The following NCOA3 variants were observed in gnomAD, a reference collection of about 807,000 sequenced individuals.
NCOA3 encodes CBP-interacting protein.
A neutral mutation model predicts 158.8 loss-of-function variants in NCOA3; 51 were observed. That is an observed-to-expected ratio of 0.32 (90% CI 0.26 to 0.41). NCOA3 has a LOEUF of 0.41. Ranked by LOEUF, NCOA3 falls within the 10% of genes least tolerant of loss-of-function variation. The pLI is 1.00. For synonymous variants in NCOA3, 537 were observed against 592.4 expected (o/e 0.91, Z 1.36); for missense variants, 1,510 against 1,746.6 (o/e 0.86, Z 2.41).
chr20:47,654,070 G>A lies in NCOA3; in HGVS notation c.*653G>A, dbSNP rs2086837781. The A allele has an allele frequency of 6.6e-6, 1 of 152,662 alleles. No individual in the cohort carries two copies. Among genetic ancestry groups the A allele is most frequent in the African/African-American group, 2.4e-5 (1 of 41,456 alleles). 9.5% of individuals were successfully genotyped at this position (152,662 alleles called of 1,614,324 possible). A position where few individuals can be genotyped will look rare whatever the true frequency, so the allele number is the denominator to read the frequency against. ...CCAAATGGCTTTGCAGAAAGGAAAT[G>A]AGATGACAGTATTTAATCGCAGCAG... On this transcript the variant is annotated 3_prime_UTR_variant, in exon 23 of 23. Coordinates refer to ENST00000371998, the MANE Select transcript of NCOA3 (RefSeq NM_181659.3).
intron 2 of NCOA3, among the ~76,000 whole-genome samples, chr20:47,600,439 G>C (rs1453279203): frequency 6.6e-6 from 1 of 151,906 alleles, no homozygotes; most frequent in Non-Finnish European, 1.5e-5. Flanking sequence ...GCCTCCCAAA[G>C]TGGTGGGATT....
At chr20:47,604,298 G>A (rs2085909350) in intron 2 of NCOA3, among the ~76,000 whole-genome samples, 1 of 152,186 alleles carries the variant, frequency 6.6e-6, no homozygotes, top group Non-Finnish European at 1.5e-5. Context: ...TGTAAATTTG[G>A]TAAGGTCATG....
chr20:47,515,962 A>C (rs1263117674), intron 1 of NCOA3, among the ~76,000 whole-genome samples: 3 of 152,216 alleles, frequency 2.0e-5, no homozygotes, highest in African/African-American at 7.2e-5. Flanking sequence ...GTGTGATTCT[A>C]ACTATGTGAC....
chr20:47,515,801 A>G (rs1386714097), intron 1 of NCOA3, among the ~76,000 whole-genome samples: 2 of 152,114 alleles, frequency 1.3e-5, no homozygotes, highest in African/African-American at 2.4e-5. Context: ...ATTATCATCA[A>G]TCAATAAGTG....
chr20:47,554,826 A>C (rs1175501996), intron 1 of NCOA3, among the ~76,000 whole-genome samples: 1 of 152,194 alleles, frequency 6.6e-6, no homozygotes, highest in Non-Finnish European at 1.5e-5. Context: ...CGAGCTACCA[A>C]TGACTTTCTT....
rs573221573 is a variant in NCOA3, at chr20:47,546,602, G to A, written c.-98-36581G>A. Among the ~76,000 whole-genome samples the A allele has an allele frequency of 2.0e-3, 296 of 150,670 alleles. 2 individuals carry two copies. The highest frequency in any genetic ancestry group is 7.1e-3 in the African/African-American group (289 of 40,862). On this transcript the variant is annotated intron_variant, in intron 1 of 22. Transcript: ENST00000371998. ...GCTGAAGTGCAGTGGCGCAGTCTTG[G>A]CTCACTGCAACCTCCGCCTCCCGCA...
chr20:47,502,153 C>G (rs2083942360), intron 1 of NCOA3, 134 bp downstream of exon 1: 1 of 396,300 alleles, frequency 2.5e-6, no homozygotes, highest in Non-Finnish European at 4.4e-6. Context: ...GCGCGCCGGC[C>G]GGGGGACGCG....
At chr20:47,529,571 C>T (rs2084513247) in intron 1 of NCOA3, among the ~76,000 whole-genome samples, 1 of 152,162 alleles carries the variant, frequency 6.6e-6, no homozygotes. Flanking sequence ...TGCCACCACA[C>T]CTGGCTAATT....
chr20:47,555,013 T>C (rs2425966), intron 1 of NCOA3, among the ~76,000 whole-genome samples: 51,262 of 151,944 alleles, frequency 0.34, 8,944 homozygotes, highest in Middle Eastern at 0.4. Flanking sequence ...AACAGAGATA[T>C]AGACCAATGG....
chr20:47,636,942 G>C (rs948990588), intron 12 of NCOA3, among the ~76,000 whole-genome samples, 180 bp downstream of exon 12: 7 of 152,006 alleles, frequency 4.6e-5, no homozygotes, highest in African/African-American at 1.7e-4. Flanking sequence ...TAACAGATGT[G>C]TATGTTTTAA....
chr20:47,591,139 A>G (rs1421090784), intron 2 of NCOA3, among the ~76,000 whole-genome samples: 1 of 152,130 alleles, frequency 6.6e-6, no homozygotes, highest in Non-Finnish European at 1.5e-5. Context: ...AAAAGAAAAA[A>G]CAAAAGAAAA....
chr20:47,609,554 C>T (rs1355704528), intron 2 of NCOA3, among the ~76,000 whole-genome samples: 2 of 151,708 alleles, frequency 1.3e-5, no homozygotes, highest in East Asian at 3.9e-4. Context: ...ATGGTGAAAC[C>T]CCATCTCTAC....
chr20:47,530,115 A>G (rs1193736773), intron 1 of NCOA3, among the ~76,000 whole-genome samples: 1 of 152,216 alleles, frequency 6.6e-6, no homozygotes, highest in Non-Finnish European at 1.5e-5. Flanking sequence ...ATATTTTCAC[A>G]TCTAAGGTAT....
At chr20:47,647,435 C>G in intron 18 of NCOA3, 69 bp downstream of exon 18, 10 of 1,420,512 alleles carry the variant, frequency 7.0e-6, no homozygotes, top group Non-Finnish European at 9.7e-6. Context: ...TCTCAGTGTT[C>G]TTACCACTGG....
chr20:47,642,190 A>G, intron 16 of NCOA3, 23 bp from the exon 17 acceptor site: 3 of 1,532,900 alleles, frequency 2.0e-6, no homozygotes, highest in Non-Finnish European at 2.6e-6. Flanking sequence ...CACCATTGAC[A>G]TTGATTGCAA....
At chr20:47,652,250 T>TG (rs375109509) in intron 20 of NCOA3, among the ~76,000 whole-genome samples, 156 bp from the exon 21 acceptor site, 234 of 151,974 alleles carry the variant, frequency 1.5e-3, no homozygotes, top group African/African-American at 5.3e-3. Context: ...CTAGAATACC[T>TG]GGGGGGGCAG....
At chr20:47,587,259 C>T (rs992091492) in intron 2 of NCOA3, among the ~76,000 whole-genome samples, 3 of 152,102 alleles carry the variant, frequency 2.0e-5, no homozygotes, top group Admixed American at 6.6e-5. Flanking sequence ...TCAAATTGTC[C>T]TAGAAGTTTG....
chr20:47,577,854 A>G (rs2085395638), intron 1 of NCOA3, among the ~76,000 whole-genome samples: 1 of 152,206 alleles, frequency 6.6e-6, no homozygotes, highest in African/African-American at 2.4e-5. Context: ...TATAGAACTA[A>G]ATGTTTAATT....
intron 14 of NCOA3, 38 bp from the exon 15 acceptor site, chr20:47,639,539 T>C: frequency 3.1e-6 from 5 of 1,607,358 alleles, no homozygotes; most frequent in Non-Finnish European, 4.2e-6. Flanking sequence ...GATTTCATTA[T>C]AATATGGAAA....
Sources: allele counts gnomAD v4.1 joint callset (sites outside exome capture counted in the v4.1 genomes callset), GRCh38; gene constraint gnomAD v4.1.1; transcripts MANE v1.5; gene names NCBI Gene and HGNC (gene_info 2026-07-23, HGNC 2026-07-21).